The following PRKN variants were observed in gnomAD, a reference collection of about 807,000 sequenced individuals.
PRKN encodes E3 ubiquitin-protein ligase parkin.
PRKN carries 56 observed loss-of-function variants against 59.5 expected under a neutral mutation model. The ratio of observed to expected loss-of-function variants is 0.94; its 90% CI spans 0.76 to 1.18. The LOEUF is 1.18. Ranked by LOEUF, PRKN falls within the 50% of genes most tolerant of loss-of-function variation. PRKN has a pLI of 0.00. For missense variants in PRKN, 657 were observed against 596.4 expected (o/e 1.10, Z -1.06); for synonymous variants, 250 against 222.1 (o/e 1.13, Z -1.12).
rs1312312575 is a variant in PRKN at position 161,360,523 on chromosome 6, G to C, written c.1168-318C>G. Among the ~76,000 whole-genome samples, 1 of 152,176 alleles carries C rather than the reference G, an allele frequency of 6.6e-6. No individual in the cohort carries two copies. Among genetic ancestry groups the C allele is most frequent in the Non-Finnish European group, 1.5e-5 (1 of 68,036 alleles). ...TTAAAATGCAGGCAAGGTGATCAATGCTCAAATACACTTCTCATTAGACAC... is the reference window on the plus strand; with the variant it reads ...TTAAAATGCAGGCAAGGTGATCAATCCTCAAATACACTTCTCATTAGACAC... On this transcript the variant is annotated intron_variant, in intron 10 of 11. Transcript: ENST00000366898. This position sits in a 1 kb window ranked among gnomAD's most constrained non-coding sequence, Gnocchi z 5.1.
In PRKN at chr6:161,373,541, T is replaced by C. The variant is rs887648567; in HGVS notation, c.1167+13253A>G. On this transcript the variant is annotated intron_variant, in intron 10 of 11. Coordinates refer to ENST00000366898, the MANE Select transcript of PRKN (RefSeq NM_004562.3). This position sits in a 1 kb window ranked among gnomAD's most constrained non-coding sequence, Gnocchi z 4.8. ...AGGGGTGCTGAGTTTAAACGAGCTA[T>C]GCCTCTGTGTTTGCAGGGGTGCTGA... Among the ~76,000 whole-genome samples, 4 of 151,848 alleles carry C rather than the reference T, an allele frequency of 2.6e-5. No homozygotes were observed. Among genetic ancestry groups the C allele is most frequent in the African/African-American group, 9.7e-5 (4 of 41,330 alleles).
At chr6:162,379,423 T>G (rs1297736458) in intron 2 of PRKN, among the ~76,000 whole-genome samples, 1 of 152,304 alleles carries the variant, frequency 6.6e-6, no homozygotes, top group Non-Finnish European at 1.5e-5. Flanking sequence ...TTGAGGAGAT[T>G]AGAAGGGGTA....
intron 4 of PRKN, among the ~76,000 whole-genome samples, chr6:162,183,232 T>A (rs1004530160): frequency 6.6e-6 from 1 of 152,174 alleles, no homozygotes. Flanking sequence ...ATAGGGAAGA[T>A]GTAAGAGGAT....
intron 9 of PRKN, among the ~76,000 whole-genome samples, chr6:161,408,554 ACT>A (rs1444161840): frequency 3.4e-5 from 5 of 148,896 alleles, no homozygotes; most frequent in Non-Finnish European, 7.4e-5. Context: ...AATAATAAAA[ACT>A]CTTTCATTTT....
intron 7 of PRKN, among the ~76,000 whole-genome samples, chr6:161,745,291 G>T (rs1788368380): frequency 6.6e-6 from 1 of 152,156 alleles, no homozygotes; most frequent in Admixed American, 6.5e-5. Flanking sequence ...TGAAGTCAGG[G>T]CAGGCTTCCT....
chr6:161,924,000 T>C (rs1778876215), intron 6 of PRKN, among the ~76,000 whole-genome samples: 1 of 152,194 alleles, frequency 6.6e-6, no homozygotes, highest in African/African-American at 2.4e-5. Context: ...TTCACTATTG[T>C]TTCTGTGTCT....
intron 6 of PRKN, among the ~76,000 whole-genome samples, chr6:161,848,637 T>C (rs572123938): frequency 1.3e-5 from 2 of 152,182 alleles, no homozygotes; most frequent in Non-Finnish European, 1.5e-5. Context: ...AGCACCTCCC[T>C]GGGGAATCTG....
At chr6:161,520,401 T>C (rs1778776457) in intron 9 of PRKN, among the ~76,000 whole-genome samples, 1 of 152,056 alleles carries the variant, frequency 6.6e-6, no homozygotes, top group South Asian at 2.1e-4. Flanking sequence ...ATTTTTTTTG[T>C]ATTTTTAGTA....
At chr6:162,338,374 T>C (rs1282904337) in intron 2 of PRKN, among the ~76,000 whole-genome samples, 1 of 150,344 alleles carries the variant, frequency 6.7e-6, no homozygotes, top group Non-Finnish European at 1.5e-5. Context: ...CTGATTCTCC[T>C]GCCTCAGCCT....
rs1280796142 is a variant in PRKN, at chr6:161,440,043, C to T, written c.1084-53166G>A. On this transcript the variant is annotated intron_variant, in intron 9 of 11. Transcript: ENST00000366898. The surrounding 1 kb of genome is among the most constrained non-coding windows in gnomAD (Gnocchi z 4.1). ...TCGGCTCACTGCAAGCTCCACCTCCCGGGTTCATGCTACTCTCCTGCCTCA... is the reference window on the plus strand; with the variant it reads ...TCGGCTCACTGCAAGCTCCACCTCCTGGGTTCATGCTACTCTCCTGCCTCA... 6.6e-6 allele frequency among the ~76,000 whole-genome samples: 1 copy of T among 151,840 alleles called. No homozygotes were observed. Among genetic ancestry groups the T allele is most frequent in the Non-Finnish European group, 1.5e-5 (1 of 67,962 alleles).
At chr6:161,404,609 C>G (rs915696768) in intron 9 of PRKN, among the ~76,000 whole-genome samples, 1 of 152,180 alleles carries the variant, frequency 6.6e-6, no homozygotes, top group African/African-American at 2.4e-5. Context: ...AAAAATGTGT[C>G]AGGGTGTCTC....
intron 2 of PRKN, among the ~76,000 whole-genome samples, chr6:162,398,090 A>G (rs1197750852): frequency 6.6e-6 from 1 of 152,024 alleles, no homozygotes; most frequent in Admixed American, 6.6e-5. Flanking sequence ...AAGAAACTAA[A>G]CAAAAATTCA....
intron 1 of PRKN, among the ~76,000 whole-genome samples, chr6:162,459,394 A>C (rs2128173558): frequency 6.6e-6 from 1 of 152,316 alleles, no homozygotes; most frequent in Non-Finnish European, 1.5e-5. Context: ...TTAACTTAGC[A>C]AAAATTATTA....
chr6:161,584,979 C>A lies in PRKN; in HGVS notation c.872-15563G>T, dbSNP rs905422844. Among the ~76,000 whole-genome samples the A allele has an allele frequency of 1.1e-4, 16 of 152,194 alleles. No homozygotes were observed. The highest frequency in any genetic ancestry group is 4.4e-5 in the Non-Finnish European group (3 of 68,032). The stretch of plus-strand genomic sequence containing the variant: ...TGTCAATGAATGTCAACAATGGCTT[C>A]TCCATTTGTATGAAGCCCAATTTGT... On this transcript the variant is annotated intron_variant, in intron 7 of 11. Transcript: ENST00000366898. This position sits in a 1 kb window ranked among gnomAD's most constrained non-coding sequence, Gnocchi z 4.8.
At chr6:162,588,675 C>A (rs902109886) in intron 1 of PRKN, among the ~76,000 whole-genome samples, 2 of 152,114 alleles carry the variant, frequency 1.3e-5, no homozygotes, top group Admixed American at 1.3e-4. Flanking sequence ...CCTCAGCCTC[C>A]CGAGTAGCTG....
chr6:161,434,179 C>T (rs1160786966), intron 9 of PRKN, among the ~76,000 whole-genome samples: 3 of 152,058 alleles, frequency 2.0e-5, no homozygotes, highest in Admixed American at 2.0e-4. Flanking sequence ...GTTTGAAGAC[C>T]ACCACTCCAT....
chr6:161,785,954 G>C, intron 6 of PRKN, 46 bp from the exon 7 acceptor site: 1 of 1,608,166 alleles, frequency 6.2e-7, no homozygotes, highest in Non-Finnish European at 8.5e-7. Context: ...TGTCAGTGTG[G>C]AAAGGCAGCA....
intron 6 of PRKN, among the ~76,000 whole-genome samples, chr6:161,943,029 CTACT>C (rs1562406487): frequency 6.6e-6 from 1 of 152,176 alleles, no homozygotes. Context: ...AAAAGAACTG[CTACT>C]TACTTCTAGA....
Position 162,578,367 on chromosome 6 carries a change from A to G in PRKN, c.8-134894T>C, listed in dbSNP as rs568755405. Among the ~76,000 whole-genome samples, 33 of 152,360 alleles carry G rather than the reference A, an allele frequency of 2.2e-4. 1 individual carries two copies. The South Asian group carries it at 4.1e-3, about 19-fold the overall frequency. On this transcript the variant is annotated intron_variant, in intron 1 of 11. Coordinates refer to ENST00000366898, the MANE Select transcript of PRKN (RefSeq NM_004562.3). ...TGTGTGTGCATATATGCGCATGCCT[A>G]AAATGGCCTCAGAGGACTTTGCAAC...
Sources: allele counts gnomAD v4.1 joint callset (sites outside exome capture counted in the v4.1 genomes callset), GRCh38; gene constraint gnomAD v4.1.1; non-coding constraint Gnocchi (gnomAD v3.1); transcripts MANE v1.5; gene names NCBI Gene and HGNC (gene_info 2026-07-23, HGNC 2026-07-21).